The following EIF2A variants were observed in gnomAD, a reference collection of about 807,000 sequenced individuals.
The protein encoded by EIF2A is eukaryotic translation initiation factor 2A.
EIF2A carries 62 observed loss-of-function variants against 75.2 expected under a neutral mutation model. That is an observed-to-expected ratio of 0.82 (90% CI 0.67 to 1.02). The LOEUF is 1.02. EIF2A is among the 50% of genes least tolerant of loss of function. The probability of loss-of-function intolerance (pLI) is 0.00; values close to 1 mark genes in which losing one functional copy is unlikely to be tolerated. For synonymous variants in EIF2A, 207 were observed against 239.0 expected (o/e 0.87, Z 1.23); for missense variants, 611 against 677.7 (o/e 0.90, Z 1.09).
chr3:150,547,628 A>C (rs1242366273), intron 1 of EIF2A, among the ~76,000 whole-genome samples: 4 of 152,206 alleles, frequency 2.6e-5, no homozygotes, highest in Non-Finnish European at 5.9e-5. Flanking sequence ...ATATAGAAGG[A>C]AAAAGTCATT....
At chr3:150,547,008 C>A in intron 1 of EIF2A, 178 bp downstream of exon 1, 1 of 726,852 alleles carries the variant, frequency 1.4e-6, no homozygotes, top group South Asian at 1.9e-5. Context: ...GAAGTCTCCG[C>A]CTCTGGGCTT....
intron 5 of EIF2A, 112 bp downstream of exon 5, chr3:150,563,726 C>G (rs377609050): frequency 1.6e-4 from 144 of 894,946 alleles, no homozygotes; most frequent in African/African-American, 1.4e-3. Context: ...AGACAAAAAT[C>G]TACATTTTTA....
At chr3:150,564,252 TTC>T in intron 5 of EIF2A, 45 bp from the exon 6 acceptor site, 1 of 1,405,208 alleles carries the variant, frequency 7.1e-7, no homozygotes, top group East Asian at 2.5e-5. Flanking sequence ...TGATGTTACA[TTC>T]TGTCTGAATA....
At position 150,585,301 on chromosome 3, in the gene EIF2A, C is replaced by T. The variant is rs1445168334; in HGVS notation, c.*1390C>T. 1 of 152,304 alleles carries T rather than the reference C, an allele frequency of 6.6e-6. No homozygotes were observed. Among genetic ancestry groups the T allele is most frequent in the Non-Finnish European group, 1.5e-5 (1 of 68,164 alleles). The allele number at this position is 152,304 out of a possible 1,614,324, so 9.4% of individuals were successfully genotyped here. On this transcript the variant is annotated 3_prime_UTR_variant, in exon 14 of 14. Transcript: ENST00000460851. ...TTGGGAGGCCAAGGTGGGTGGATCA[C>T]CTGAGGTCAGGAGTTCAAGACCAGC...
At chr3:150,567,561 A>C in intron 6 of EIF2A, 132 bp from the exon 7 acceptor site, 2 of 653,300 alleles carry the variant, frequency 3.1e-6, no homozygotes, top group South Asian at 4.3e-5. Context: ...GTGTTACTGT[A>C]TCTCACCAGG....
Position 150,575,814 on chromosome 3 carries a change from C to T in EIF2A, c.1497+52C>T, listed in dbSNP as rs372257215. The T allele has an allele frequency of 2.9e-5, 43 of 1,469,056 alleles. No individual in the cohort carries two copies. The African/African-American group carries it at 4.1e-4, about 14-fold the overall frequency. The allele number at this position is 1,469,056 out of a possible 1,614,324, so 91.0% of individuals were successfully genotyped here. A position where few individuals can be genotyped will look rare whatever the true frequency, so the allele number is the denominator to read the frequency against. Reference sequence around the variant, plus strand: ...AAACAAATAGTCAGTTATGGCCGGGCGCAGTGGCTCACGCCCGTAATCCCA... The same window carrying T: ...AAACAAATAGTCAGTTATGGCCGGGTGCAGTGGCTCACGCCCGTAATCCCA... On this transcript the variant is annotated intron_variant, in intron 11 of 13. Transcript: ENST00000460851.
intron 1 of EIF2A, among the ~76,000 whole-genome samples, chr3:150,551,614 G>C (rs1559873437): frequency 6.6e-6 from 1 of 151,778 alleles, no homozygotes; most frequent in African/African-American, 2.4e-5. Context: ...TGTAGTCCCA[G>C]CTACTTGGGA....
intron 3 of EIF2A, among the ~76,000 whole-genome samples, chr3:150,560,716 C>CTTTTTTTTTTTTTTTTTTTTTTTTT (rs71138455): frequency 8.3e-6 from 1 of 120,680 alleles, no homozygotes; most frequent in Non-Finnish European, 1.7e-5. Context: ...GATGGAGAGT[C>CTTTTTTTTTTTTTTTTTTTTTTTTT]TTTTTTTTTT....
At chr3:150,583,644 G>A (rs1725315781) in intron 13 of EIF2A, among the ~76,000 whole-genome samples, 1 of 152,054 alleles carries the variant, frequency 6.6e-6, no homozygotes. Flanking sequence ...GGGCCCAAAG[G>A]GATGCAGTAA....
intron 1 of EIF2A, chr3:150,547,217 G>A (rs558757309): frequency 4.3e-6 from 1 of 231,966 alleles, no homozygotes; most frequent in Admixed American, 5.0e-5. Flanking sequence ...TAGTCCTCTA[G>A]AATGATCACG....
intron 11 of EIF2A, among the ~76,000 whole-genome samples, chr3:150,578,348 T>G (rs1724987439): frequency 6.7e-6 from 1 of 148,624 alleles, no homozygotes; most frequent in African/African-American, 2.4e-5. Context: ...ATTATATAAA[T>G]AATATACAAA....
intron 1 of EIF2A, among the ~76,000 whole-genome samples, chr3:150,551,130 G>A (rs1422958855): frequency 2.6e-5 from 4 of 152,062 alleles, no homozygotes; most frequent in Non-Finnish European, 4.4e-5. Flanking sequence ...AACACTTAAG[G>A]ATGCTTTCCC....
At chr3:150,575,091 A>ATT (rs1310884378) in intron 10 of EIF2A, among the ~76,000 whole-genome samples, 2 of 152,174 alleles carry the variant, frequency 1.3e-5, no homozygotes, top group East Asian at 3.8e-4. Context: ...CAAGCCATGT[A>ATT]ATTTTTTTTT....
chr3:150,569,737 C>T (rs1242041221), intron 9 of EIF2A, among the ~76,000 whole-genome samples: 4 of 152,006 alleles, frequency 2.6e-5, no homozygotes, highest in African/African-American at 9.7e-5. Context: ...ATTGCTTGAA[C>T]CCAGGAGTGG....
At chr3:150,565,872 C>G (rs62283992) in intron 6 of EIF2A, 16,393 of 146,438 alleles carry the variant, frequency 0.11, 1,160 homozygotes, top group Non-Finnish European at 0.16. Context: ...CTCGGCTTAC[C>G]GCAACCTCTG....
Position 150,572,254 on chromosome 3 carries a change from G to A in EIF2A, c.1108G>A (p.Glu370Lys). Reference protein sequence around the residue: ...STYFAWCPDGEHILTATCAPR... With the variant: ...STYFAWCPDGKHILTATCAPR... ...ATATTTTGCTTGGTGCCCGGATGGT[G>A]AGCATATTTTAACAGCTACATGTGC... Residue 370 changes from glutamate to lysine, a missense_variant, in exon 10 of 14, where the codon GAG becomes AAG. By Grantham distance (56) the Glu-to-Lys change is moderately conservative. Transcript: ENST00000460851. 6.2e-7 allele frequency: 1 copy of A among 1,613,958 alleles called. No individual in the cohort carries two copies. Among genetic ancestry groups the A allele is most frequent in the Non-Finnish European group, 8.5e-7 (1 of 1,179,872 alleles).
intron 12 of EIF2A, among the ~76,000 whole-genome samples, chr3:150,582,351 G>A (rs921615042): frequency 2.6e-4 from 39 of 148,754 alleles, no homozygotes; most frequent in Admixed American, 8.1e-4. Flanking sequence ...GTCTTGCTCT[G>A]TCGACCAGGT....
intron 2 of EIF2A, 69 bp downstream of exon 2, chr3:150,552,494 G>T: frequency 7.5e-7 from 1 of 1,336,216 alleles, no homozygotes; most frequent in African/African-American, 1.5e-5. Context: ...TTTGTTGGTG[G>T]TGTATTTTGA....
intron 1 of EIF2A, among the ~76,000 whole-genome samples, chr3:150,547,537 G>C (rs1004058908): frequency 6.6e-6 from 1 of 152,122 alleles, no homozygotes; most frequent in African/African-American, 2.4e-5. Context: ...CTAGGGTGTG[G>C]CTAAGAGTCT....
Sources: allele counts gnomAD v4.1 joint callset (sites outside exome capture counted in the v4.1 genomes callset), GRCh38; gene constraint gnomAD v4.1.1; transcripts MANE v1.5; gene names NCBI Gene and HGNC (gene_info 2026-07-23, HGNC 2026-07-21).